Variants in HCN1 observed in about 807,000 individuals in gnomAD.
The protein encoded by HCN1 is hyperpolarization activated cyclic nucleotide gated potassium channel 1.
HCN1 carries 13 observed loss-of-function variants against 78.9 expected under a neutral mutation model. The observed-to-expected ratio is 0.16, with a 90% CI of 0.11 to 0.26. The LOEUF (loss-of-function observed/expected upper bound fraction) is 0.26. Ranked by LOEUF, HCN1 falls within the 10% of genes least tolerant of loss-of-function variation. The probability of loss-of-function intolerance (pLI) is 1.00; values close to 1 mark genes in which losing one functional copy is unlikely to be tolerated. For missense variants in HCN1, 810 were observed against 1,154.3 expected, an observed-to-expected ratio of 0.70 and a Z score of 4.32; for synonymous variants, 552 against 455.5, an observed-to-expected ratio of 1.21 and a Z score of -2.70.
chr5:45,325,698 A>G (rs1308775750), intron 5 of HCN1, among the ~76,000 whole-genome samples: 1 of 151,724 alleles, frequency 6.6e-6, no homozygotes, highest in Non-Finnish European at 1.5e-5. Flanking sequence ...CCATACTAGC[A>G]GATCTTAATG....
chr5:45,358,832 T>G (rs1159893144), intron 4 of HCN1, among the ~76,000 whole-genome samples: 2 of 152,006 alleles, frequency 1.3e-5, no homozygotes, highest in Non-Finnish European at 2.9e-5. Context: ...TGTCCATGTC[T>G]AGGAAAGATT....
At chr5:45,330,011 T>G (rs1746313244) in intron 5 of HCN1, among the ~76,000 whole-genome samples, 1 of 151,444 alleles carries the variant, frequency 6.6e-6, no homozygotes, top group Non-Finnish European at 1.5e-5. Context: ...GATTTTACTT[T>G]GGAAAAATTT....
intron 4 of HCN1, among the ~76,000 whole-genome samples, chr5:45,363,145 CATAT>C (rs34074894): frequency 0.18 from 24,106 of 131,112 alleles, 2,333 homozygotes; most frequent in East Asian, 0.32. Context: ...TATATATATA[CATAT>C]ATATATATAT....
At chr5:45,316,244 C>T (rs897157666) in intron 5 of HCN1, among the ~76,000 whole-genome samples, 1 of 152,124 alleles carries the variant, frequency 6.6e-6, no homozygotes, top group African/African-American at 2.4e-5. Context: ...CCCTGGGATG[C>T]AAGGCTGGTT....
intron 3 of HCN1, among the ~76,000 whole-genome samples, chr5:45,425,158 G>T (rs1386504543): frequency 2.6e-5 from 4 of 152,128 alleles, no homozygotes; most frequent in Admixed American, 6.6e-5. Context: ...CTATTGCCGG[G>T]CATAATATAA....
At chr5:45,278,692 G>T (rs1033587660) in intron 6 of HCN1, among the ~76,000 whole-genome samples, 1 of 152,086 alleles carries the variant, frequency 6.6e-6, no homozygotes. Flanking sequence ...TGTGTTAATT[G>T]ATAGAGGTAG....
At chr5:45,376,002 TATA>T (rs1294774239) in intron 4 of HCN1, among the ~76,000 whole-genome samples, 49 of 117,938 alleles carry the variant, frequency 4.2e-4, no homozygotes, top group Admixed American at 4.2e-4. Context: ...TATAATATTT[TATA>T]ATATTTTATC....
chr5:45,396,161 G>T (rs1347523945), intron 4 of HCN1, among the ~76,000 whole-genome samples: 3 of 152,024 alleles, frequency 2.0e-5, no homozygotes, highest in Non-Finnish European at 4.4e-5. Flanking sequence ...CGAGAGAAGG[G>T]TTTATTTTAA....
chr5:45,497,518 T>C (rs1472630714), intron 2 of HCN1, among the ~76,000 whole-genome samples: 4 of 152,218 alleles, frequency 2.6e-5, no homozygotes, highest in African/African-American at 9.6e-5. Context: ...CAGACTAGGA[T>C]TGCAACCCCT....
intron 5 of HCN1, among the ~76,000 whole-genome samples, chr5:45,312,655 G>T (rs1745877598): frequency 2.0e-5 from 3 of 152,170 alleles, no homozygotes; most frequent in Non-Finnish European, 4.4e-5. Flanking sequence ...GGAAAATCGG[G>T]TCACTCCCAC....
rs997663099 is a variant in HCN1 at position 45,679,884 on chromosome 5, T to C, written c.425+15785A>G. On this transcript the variant is annotated intron_variant, in intron 1 of 7. Transcript: ENST00000303230. ...TAAGAACACATTTTGGTCATTACTATCTCTTGCTGTTTGCCTGCAGTGAGC... is the reference window on the plus strand; with the variant it reads ...TAAGAACACATTTTGGTCATTACTACCTCTTGCTGTTTGCCTGCAGTGAGC... 1.3e-5 allele frequency among the ~76,000 whole-genome samples: 2 copies of C among 152,062 alleles called. 1 individual carries two copies. The highest frequency in any genetic ancestry group is 1.3e-4 in the Admixed American group (2 of 15,224).
intron 4 of HCN1, among the ~76,000 whole-genome samples, chr5:45,354,223 C>T (rs1314541817): frequency 6.6e-6 from 1 of 151,782 alleles, no homozygotes; most frequent in Non-Finnish European, 1.5e-5. Context: ...AGATGACTCA[C>T]GTGCATAGAT....
At chr5:45,609,200 A>G (rs1358753706) in intron 2 of HCN1, among the ~76,000 whole-genome samples, 1 of 152,070 alleles carries the variant, frequency 6.6e-6, no homozygotes, top group African/African-American at 2.4e-5. Context: ...ATATCTTGTA[A>G]CTTGCAATTC....
chr5:45,272,543 C>G (rs909025669), intron 6 of HCN1, among the ~76,000 whole-genome samples: 2 of 151,970 alleles, frequency 1.3e-5, no homozygotes, highest in African/African-American at 4.8e-5. Context: ...TTTAAAAATG[C>G]TTATGCATAC....
chr5:45,582,563 T>C (rs1266924130), intron 2 of HCN1, among the ~76,000 whole-genome samples: 2 of 152,118 alleles, frequency 1.3e-5, no homozygotes, highest in Non-Finnish European at 2.9e-5. Context: ...CTATGTTGAA[T>C]AGGAGTGGTG....
intron 3 of HCN1, among the ~76,000 whole-genome samples, chr5:45,406,019 T>G (rs559946519): frequency 7.6e-4 from 115 of 152,080 alleles, no homozygotes; most frequent in Non-Finnish European, 1.4e-3. Flanking sequence ...ATCACAGATT[T>G]TTTCTTATTT....
chr5:45,384,830 T>C (rs1747881560), intron 4 of HCN1, among the ~76,000 whole-genome samples: 1 of 152,196 alleles, frequency 6.6e-6, no homozygotes, highest in Non-Finnish European at 1.5e-5. Context: ...TTTGTATCTT[T>C]GTGACTCTGC....
At chr5:45,356,966 A>G (rs925697662) in intron 4 of HCN1, among the ~76,000 whole-genome samples, 4 of 152,042 alleles carry the variant, frequency 2.6e-5, no homozygotes, top group African/African-American at 4.8e-5. Context: ...TGTTCATCCA[A>G]TGGATTTGTT....
chr5:45,322,266 C>T (rs1188007742), intron 5 of HCN1, among the ~76,000 whole-genome samples: 1 of 151,748 alleles, frequency 6.6e-6, no homozygotes, highest in African/African-American at 2.4e-5. Flanking sequence ...AAATTATATG[C>T]AAATAGGTGA....
Sources: gnomAD v4.1 joint callset for allele counts (sites outside exome capture counted in the v4.1 genomes callset) on GRCh38, gnomAD v4.1.1 for gene constraint, MANE v1.5 for transcripts, NCBI Gene and HGNC (gene_info 2026-07-23, HGNC 2026-07-21) for gene names.